Variants in NKAIN3 observed in about 807,000 individuals in gnomAD.
NKAIN3 encodes the protein sodium/potassium-transporting ATPase subunit beta-1-interacting protein 3.
In NKAIN3, 25 loss-of-function variants were observed where a neutral mutation model predicts 30.2. That is an observed-to-expected ratio of 0.83 (90% CI 0.60 to 1.16). The LOEUF (loss-of-function observed/expected upper bound fraction) is 1.16. Ranked by LOEUF, NKAIN3 falls within the 50% of genes most tolerant of loss-of-function variation. The pLI is 0.00. For synonymous variants in NKAIN3, 91 were observed against 89.6 expected (o/e 1.02, Z -0.09); for missense variants, 225 against 254.1 (o/e 0.89, Z 0.78).
intron 3 of NKAIN3, among the ~76,000 whole-genome samples, chr8:62,641,718 A>G (rs553579387): frequency 6.6e-6 from 1 of 152,286 alleles, no homozygotes; most frequent in South Asian, 2.1e-4. Context: ...TTATCTGAGT[A>G]ACCTATTCTT....
intron 1 of NKAIN3, among the ~76,000 whole-genome samples, chr8:62,518,581 G>A (rs150785347): frequency 9.9e-4 from 150 of 152,232 alleles, no homozygotes; most frequent in African/African-American, 3.5e-3. Context: ...CAGGAGTATT[G>A]AGAATATATG....
At chr8:62,317,727 T>C (rs1264696631) in intron 1 of NKAIN3, among the ~76,000 whole-genome samples, 1 of 152,240 alleles carries the variant, frequency 6.6e-6, no homozygotes, top group Non-Finnish European at 1.5e-5. Context: ...TCCAGCTTTG[T>C]TCTTTTGGCT....
intron 1 of NKAIN3, among the ~76,000 whole-genome samples, chr8:62,527,170 G>C (rs1350345421): frequency 3.3e-5 from 5 of 152,160 alleles, no homozygotes; most frequent in Non-Finnish European, 7.3e-5. Flanking sequence ...ATCCTCAGCT[G>C]AGATGTACAC....
Position 62,523,096 on chromosome 8 carries a change from G to A in NKAIN3, c.55-56443G>A, listed in dbSNP as rs56122735. Among the ~76,000 whole-genome samples the A allele has an allele frequency of 9.4e-3, 1,432 of 152,122 alleles. 13 individuals carry two copies. Among genetic ancestry groups the A allele is most frequent in the Middle Eastern group, 0.02 (6 of 294 alleles). On this transcript the variant is annotated intron_variant, in intron 1 of 6. Coordinates refer to ENST00000623646, the MANE Select transcript of NKAIN3 (RefSeq NM_001304533.3). ...CATGATAAATGTCCTATACAGGTGT[G>A]CCATTTTTTCTTTTATACTGTATTT...
chr8:62,335,448 A>AAAGAAAGAAAG lies in NKAIN3; in HGVS notation c.54+86323_54+86324insGAAAGAAAGAA, dbSNP rs1554668210. 2.7e-3 allele frequency among the ~76,000 whole-genome samples: 401 copies of AAAGAAAGAAAG among 150,448 alleles called. 2 individuals carry two copies. Among genetic ancestry groups the AAAGAAAGAAAG allele is most frequent in the African/African-American group, 9.5e-3 (386 of 40,608 alleles). ...ACTCTGTCTCAAAAAAAAAAAAAAAAAAAGAAAGAAAGAAAGAAAAGAAAA... is the reference window on the plus strand; with the variant it reads ...ACTCTGTCTCAAAAAAAAAAAAAAAAAAGAAAGAAAGAAAGAAAGAAAGAAAGAAAAGAAAA... On this transcript the variant is annotated intron_variant, in intron 1 of 6. Transcript: ENST00000623646.
chr8:62,991,961 G>A lies in NKAIN3; in HGVS notation c.533-7270G>A, dbSNP rs1051594359. ...TGGAGTTGAGGTGCCACTGAGACCC[G>A]GGGCCCATACCCAGCACTGCTCCCC... On this transcript the variant is annotated intron_variant, in intron 5 of 5. Coordinates refer to the NKAIN3 transcript ENST00000519049. Among the ~76,000 whole-genome samples, 3 of 150,362 alleles carry A rather than the reference G, an allele frequency of 2.0e-5. No homozygotes were observed. In the East Asian group the frequency reaches 5.8e-4, roughly 29 times the overall value.
intron 1 of NKAIN3, among the ~76,000 whole-genome samples, chr8:62,543,616 G>A (rs376828077): frequency 6.6e-6 from 1 of 152,060 alleles, no homozygotes; most frequent in African/African-American, 2.4e-5. Context: ...TAGTTCATGG[G>A]TACCGTACTC....
At chr8:62,484,113 A>G (rs1446953671) in intron 1 of NKAIN3, among the ~76,000 whole-genome samples, 1 of 152,160 alleles carries the variant, frequency 6.6e-6, no homozygotes, top group Non-Finnish European at 1.5e-5. Flanking sequence ...CTGTGCACTC[A>G]GGGTAAAGCC....
intron 2 of NKAIN3, among the ~76,000 whole-genome samples, chr8:62,586,615 G>T (rs1193155694): frequency 6.6e-6 from 1 of 151,794 alleles, no homozygotes; most frequent in East Asian, 1.9e-4. Flanking sequence ...ATGAATGAAT[G>T]GTCTTTCTCG....
At chr8:62,890,884 C>G (rs1472058609) in intron 4 of NKAIN3, among the ~76,000 whole-genome samples, 2 of 152,156 alleles carry the variant, frequency 1.3e-5, no homozygotes, top group African/African-American at 4.8e-5. Flanking sequence ...AAATTTTATC[C>G]CTTTATGATT....
rs577960147 is a variant in NKAIN3 at position 62,463,896 on chromosome 8, AC to A, written c.55-115642del. Among the ~76,000 whole-genome samples, 682 of 152,300 alleles carry A rather than the reference AC, an allele frequency of 4.5e-3. 2 individuals carry two copies. The highest frequency in any genetic ancestry group is 0.015 in the African/African-American group (636 of 41,576). ...TCTCTATGAAAATACTGTAATAAAG[AC>A]TGTAGCTGACCACAGGTAACTGAAA... On this transcript the variant is annotated intron_variant, in intron 1 of 6. Transcript: ENST00000623646.
At chr8:62,882,004 A>G (rs1290907519) in intron 4 of NKAIN3, among the ~76,000 whole-genome samples, 1 of 152,164 alleles carries the variant, frequency 6.6e-6, no homozygotes, top group Non-Finnish European at 1.5e-5. Context: ...GTGACATATG[A>G]TGTTGAACAT....
exon 6 of NKAIN3, chr8:62,999,402 G>A (rs375024911): frequency 1.3e-5 from 2 of 152,218 alleles, no homozygotes; most frequent in Admixed American, 1.3e-4. Context: ...CTAATAGAGT[G>A]AGAACTCACT....
intron 4 of NKAIN3, among the ~76,000 whole-genome samples, chr8:62,829,477 G>A (rs1403426166): frequency 6.6e-6 from 1 of 152,126 alleles, no homozygotes; most frequent in Non-Finnish European, 1.5e-5. Context: ...AGCAAACCAG[G>A]TAGAGAGGTC....
chr8:62,922,788 G>A (rs1251815327), intron 5 of NKAIN3, among the ~76,000 whole-genome samples: 1 of 150,604 alleles, frequency 6.6e-6, no homozygotes, highest in East Asian at 1.9e-4. Flanking sequence ...GCATGTAACT[G>A]TCCTAAAGGC....
intron 3 of NKAIN3, among the ~76,000 whole-genome samples, chr8:62,663,402 G>C (rs1813002630): frequency 6.6e-6 from 1 of 152,150 alleles, no homozygotes; most frequent in African/African-American, 2.4e-5. Context: ...GTGTCGAAAT[G>C]AAAATGAGAG....
intron 4 of NKAIN3, among the ~76,000 whole-genome samples, chr8:62,914,117 G>C (rs1425545562): frequency 6.6e-6 from 1 of 152,134 alleles, no homozygotes; most frequent in Non-Finnish European, 1.5e-5. Flanking sequence ...TGATAGACTG[G>C]ATAAAGAAAT....
intron 4 of NKAIN3, among the ~76,000 whole-genome samples, chr8:62,850,277 C>G (rs1383574425): frequency 1.3e-5 from 2 of 152,048 alleles, no homozygotes; most frequent in Non-Finnish European, 2.9e-5. Flanking sequence ...CTGTTCAGGT[C>G]CTTCACCCAC....
chr8:62,930,595 T>C (rs1488948751), intron 5 of NKAIN3, among the ~76,000 whole-genome samples: 2 of 152,148 alleles, frequency 1.3e-5, no homozygotes, highest in African/African-American at 4.8e-5. Flanking sequence ...TCTATTCTAA[T>C]TACCTCATGC....
Sources: allele counts gnomAD v4.1 joint callset (sites outside exome capture counted in the v4.1 genomes callset), GRCh38; gene constraint gnomAD v4.1.1; transcripts MANE v1.5; gene names NCBI Gene and HGNC (gene_info 2026-07-23, HGNC 2026-07-21).